CDC25B: variants seen among roughly 807,000 people sequenced by gnomAD.
The protein encoded by CDC25B is M-phase inducer phosphatase 2.
A neutral mutation model predicts 69.8 loss-of-function variants in CDC25B; 33 were observed. The observed-to-expected ratio is 0.47, with a 90% confidence interval of 0.36 to 0.63. CDC25B has a LOEUF of 0.63. Among genes scored for constraint, CDC25B ranks in the 30% least tolerant of loss-of-function variants. The pLI, the probability that CDC25B is intolerant of heterozygous loss-of-function variation, is 0.00. For synonymous variants in CDC25B, 341 were observed against 314.6 expected (o/e 1.08, Z -0.89); for missense variants, 727 against 809.1 (o/e 0.90, Z 1.23).
At chr20:3,787,253 CTCCTGCTGTTT>C in intron 1 of CDC25B, 1 of 513,282 alleles carries the variant, frequency 1.9e-6, no homozygotes, top group Non-Finnish European at 3.5e-6. Flanking sequence ...TATCTGGCAT[CTCCTGCTGTTT>C]TACCTGGCAT....
intron 11 of CDC25B, chr20:3,802,585 C>T (rs2089325871): frequency 1.7e-6 from 1 of 600,852 alleles, no homozygotes; most frequent in African/African-American, 1.9e-5. Context: ...GTCCAGGCAT[C>T]TGTTGAGTCT....
At chr20:3,801,696 C>A in intron 8 of CDC25B, 26 bp from the exon 9 acceptor site, 3 of 1,558,866 alleles carry the variant, frequency 1.9e-6, no homozygotes, top group African/African-American at 2.7e-5. Flanking sequence ...TGGGTTGTGA[C>A]CCTGTCCTTG....
Position 3,800,761 on chromosome 20 carries a change from A to G in CDC25B, c.478A>G (p.Ser160Gly). ...QSMPVRLLGH[S>G]PVLRNITNSQ... ...TCTCTAGGTGAGGCTGCTGGGCCACAGCCCCGTGCTTCGGAACATCACCAA... is the reference window on the plus strand; with the variant it reads ...TCTCTAGGTGAGGCTGCTGGGCCACGGCCCCGTGCTTCGGAACATCACCAA... Residue 160 changes from serine to glycine, a missense_variant, in exon 6 of 16, where the codon AGC becomes GGC. This residue lies in a region of CDC25B where 368 missense variants were observed against 345.6 expected (regional missense o/e 1.06). Coordinates refer to ENST00000245960, the MANE Select transcript of CDC25B (RefSeq NM_021873.4). 6.2e-7 allele frequency: 1 copy of G among 1,610,274 alleles called. No individual in the cohort carries two copies. The highest frequency in any genetic ancestry group is 8.5e-7 in the Non-Finnish European group (1 of 1,180,000).
intron 1 of CDC25B, among the ~76,000 whole-genome samples, chr20:3,789,318 T>C (rs994273258): frequency 6.6e-6 from 1 of 152,206 alleles, no homozygotes; most frequent in Admixed American, 6.5e-5. Flanking sequence ...CATTGCAGCC[T>C]CAGTCTCCTC....
rs138651339 is a variant in CDC25B, at chr20:3,803,429, G to A, written c.1382G>A (p.Arg461His). 3.7e-6 allele frequency: 6 copies of A among 1,614,074 alleles called. No homozygotes were observed. Among genetic ancestry groups the A allele is most frequent in the South Asian group, 1.1e-5 (1 of 91,068 alleles). ...IKTAVNLPLERDAESFLLKSP... is the reference protein window; with the variant it reads ...IKTAVNLPLEHDAESFLLKSP... ...ACTGCGGTGAACTTGCCCCTGGAAC[G>A]CGACGCCGAGAGCTTCCTACTGAAG... The change falls in exon 14 of 16, where the codon CGC (arginine) becomes CAC (histidine). Residue 461 changes from arginine to histidine, a missense_variant. Arg to His is a conservative substitution (Grantham distance 29). Around this residue, in one of 2 missense-constraint regions of CDC25B, gnomAD observed 359 missense variants for 463.4 expected, o/e 0.77. Transcript: ENST00000245960. This position sits in a 1 kb window ranked among gnomAD's most constrained non-coding sequence, Gnocchi z 4.9.
At chr20:3,804,103 C>T (rs529864965) in intron 14 of CDC25B, among the ~76,000 whole-genome samples, 1 of 152,350 alleles carries the variant, frequency 6.6e-6, no homozygotes, top group Admixed American at 6.5e-5. Context: ...CCCTGCGGCC[C>T]TCCCAACTTC....
At position 3,803,296 on chromosome 20, in the gene CDC25B, G is replaced by A; in HGVS notation, c.1356+90G>A. On this transcript the variant is annotated intron_variant, in intron 13 of 15. Coordinates refer to ENST00000245960, the MANE Select transcript of CDC25B (RefSeq NM_021873.4). This position sits in a 1 kb window ranked among gnomAD's most constrained non-coding sequence, Gnocchi z 4.9. ...GAGGGTGAATGGGTGGAGGACGGGT[G>A]CCCCCTCTCATGGGGAGGGTTCCTA... The A allele has an allele frequency of 1.3e-6, 2 of 1,574,918 alleles. No homozygotes were observed. Among genetic ancestry groups the A allele is most frequent in the Non-Finnish European group, 1.7e-6 (2 of 1,149,034 alleles).
At position 3,796,486 on chromosome 20, in the gene CDC25B, G is replaced by T; in HGVS notation, c.-46G>T. 6.8e-7 allele frequency: 1 copy of T among 1,463,314 alleles called. No individual in the cohort carries two copies. The allele number at this position is 1,463,314 out of a possible 1,614,324, so 90.6% of individuals were successfully genotyped here. A position where few individuals can be genotyped will look rare whatever the true frequency, so the allele number is the denominator to read the frequency against. On this transcript the variant is annotated 5_prime_UTR_variant, in exon 1 of 16. Transcript: ENST00000245960. The stretch of plus-strand genomic sequence containing the variant: ...CCAGCTGTGCCGGCGTTTGTTGGCT[G>T]CCCTGCGCCCGGCCCTCCAGCCAGC...
At position 3,798,454 on chromosome 20, in the gene CDC25B, C is replaced by T. The variant is rs376436608; in HGVS notation, c.371C>T (p.Ala124Val). Reference sequence around the variant, plus strand: ...CCCAGCCCTATGGACCCCCACATGGCGGAGCAGACGTGAGTAGAGAAGGGA... The same window carrying T: ...CCCAGCCCTATGGACCCCCACATGGTGGAGCAGACGTGAGTAGAGAAGGGA... ...DSPSPMDPHMAEQTFEQAIQA... is the reference protein window; with the variant it reads ...DSPSPMDPHMVEQTFEQAIQA... The change falls in exon 3 of 16, where the codon GCG becomes GTG. Residue 124 changes from alanine to valine, a missense_variant. Ala to Val is a moderately conservative substitution (Grantham distance 64, BLOSUM62 0). Coordinates refer to ENST00000245960, the MANE Select transcript of CDC25B (RefSeq NM_021873.4). The T allele has an allele frequency of 1.0e-4, 160 of 1,596,884 alleles. No homozygotes were observed. Among genetic ancestry groups the T allele is most frequent in the Non-Finnish European group, 1.2e-4 (141 of 1,170,982 alleles).
chr20:3,802,290 G>A lies in CDC25B; in HGVS notation c.1108G>A (p.Val370Ile), dbSNP rs771067354. Reference protein sequence around the residue: ...QQEAEEPKARVLRSKSLCHDE... With the variant: ...QQEAEEPKARILRSKSLCHDE... ...CTGACTCACTTTCCAGAAAGCCCGC[G>A]TCCTCCGCTCAAAATCACTGTGTCA... The change falls in exon 11 of 16, where the codon GTC (valine) becomes ATC (isoleucine). Residue 370 changes from valine to isoleucine, a missense_variant. Physicochemically the swap from Val to Ile is conservative, Grantham distance 29. Around this residue, in one of 2 missense-constraint regions of CDC25B, gnomAD observed 359 missense variants for 463.4 expected, o/e 0.77. Transcript: ENST00000245960. 23 of 1,610,800 alleles carry A rather than the reference G, an allele frequency of 1.4e-5. No individual in the cohort carries two copies. The highest frequency in any genetic ancestry group is 1.3e-4 in the East Asian group (6 of 44,872).
Position 3,802,054 on chromosome 20 carries a change from G to A in CDC25B, c.1052G>A (p.Arg351Lys). ...DRDTPVQNKR[R>K]RSVTPPEEQQ... ...GACACGCCCGTGCAGAATAAGCGGA[G>A]GCGGAGCGTGACCCCTCCTGAGGAG... The change falls in exon 10 of 16, where the codon AGG (arginine) becomes AAG (lysine). Residue 351 changes from arginine to lysine, a missense_variant. Transcript: ENST00000245960. 6.4e-7 allele frequency: 1 copy of A among 1,566,524 alleles called. No homozygotes were observed. The highest frequency in any genetic ancestry group is 8.7e-7 in the Non-Finnish European group (1 of 1,155,738).
intron 1 of CDC25B, among the ~76,000 whole-genome samples, chr20:3,790,864 C>T (rs1175540882): frequency 6.6e-6 from 1 of 151,682 alleles, no homozygotes; most frequent in Admixed American, 6.6e-5. Context: ...GCCACCGCAC[C>T]TGGCCTAATT....
In CDC25B at chr20:3,804,889, C is replaced by T; in HGVS notation, c.1671C>T (p.Phe557=). The change falls in exon 16 of 16, where the codon TTC becomes TTT. Residue 557 remains phenylalanine, a synonymous_variant. Coordinates refer to ENST00000245960, the MANE Select transcript of CDC25B (RefSeq NM_021873.4). ...HEAFKDELKT[F]RLKTRSWAGE... ...CCTTCAAGGATGAGCTAAAGACCTT[C>T]CGCCTCAAGACTCGCAGCTGGGCTG... is the stretch of plus-strand genomic sequence containing the variant. 6.2e-7 allele frequency: 1 copy of T among 1,614,184 alleles called. No homozygotes were observed.
intron 3 of CDC25B, among the ~76,000 whole-genome samples, chr20:3,799,499 T>C (rs922193568): frequency 4.2e-5 from 4 of 96,048 alleles, no homozygotes; most frequent in Non-Finnish European, 7.9e-5. Context: ...TGTGTGTGTG[T>C]GTGTGTGTGT....
At position 3,798,852 on chromosome 20, in the gene CDC25B, C is replaced by T. The variant is rs541834422; in HGVS notation, c.380+389C>T. ...ATTTAAAAATATGATCCAACTAATTCAAAACTTTAACTCACTCTAGGCCAA... is the reference window on the plus strand; with the variant it reads ...ATTTAAAAATATGATCCAACTAATTTAAAACTTTAACTCACTCTAGGCCAA... On this transcript the variant is annotated intron_variant, in intron 3 of 15. Coordinates refer to ENST00000245960, the MANE Select transcript of CDC25B (RefSeq NM_021873.4). Among the ~76,000 whole-genome samples the T allele has an allele frequency of 3.7e-3, 557 of 152,310 alleles. 7 individuals carry two copies. Among genetic ancestry groups the T allele is most frequent in the Non-Finnish European group, 5.5e-3 (373 of 68,030 alleles).
In CDC25B at chr20:3,797,621, G is replaced by A; in HGVS notation, c.201-1G>A. Reference sequence around the variant, plus strand: ...TTCCCGGGTCCCTGTTCCCTTCCCAGCGAAACCCCAAAGAGTCAGGTAGGG... The same window carrying A: ...TTCCCGGGTCCCTGTTCCCTTCCCAACGAAACCCCAAAGAGTCAGGTAGGG... On this transcript the variant is annotated splice_acceptor_variant, in intron 1 of 15. Transcript: ENST00000245960. LOFTEE classifies it high-confidence loss of function. The A allele has an allele frequency of 6.2e-7, 1 of 1,614,044 alleles. No individual in the cohort carries two copies. The highest frequency in any genetic ancestry group is 8.5e-7 in the Non-Finnish European group (1 of 1,179,984).
upstream of CDC25B, among the ~76,000 whole-genome samples, chr20:3,791,916 T>A (rs1428941000): frequency 6.6e-6 from 1 of 152,200 alleles, no homozygotes; most frequent in Non-Finnish European, 1.5e-5. Flanking sequence ...TTATTTTTAT[T>A]TATTTATTTA....
At chr20:3,800,257 A>C (rs1325874283) in intron 3 of CDC25B, 31 bp from the exon 4 acceptor site, 1 of 1,567,040 alleles carries the variant, frequency 6.4e-7, no homozygotes, top group Admixed American at 1.7e-5. Flanking sequence ...CGGAGGGAGC[A>C]TGGGTTGCAT....
Position 3,805,032 on chromosome 20 carries a change from G to A in CDC25B, c.*71G>A, listed in dbSNP as rs1028738332. On this transcript the variant is annotated 3_prime_UTR_variant, in exon 16 of 16. Coordinates refer to ENST00000245960, the MANE Select transcript of CDC25B (RefSeq NM_021873.4). ...AAGCCAGCTGCCCTATGGGCCTGCC[G>A]GGCTGAGGGCCTGCTGGAGGCCTCA... 27 of 1,509,292 alleles carry A rather than the reference G, an allele frequency of 1.8e-5. No homozygotes were observed. Among genetic ancestry groups the A allele is most frequent in the South Asian group, 8.4e-5 (7 of 83,198 alleles). The allele number at this position is 1,509,292 out of a possible 1,614,324, so 93.5% of individuals were successfully genotyped here.
Sources: allele counts gnomAD v4.1 joint callset (sites outside exome capture counted in the v4.1 genomes callset), GRCh38; gene constraint gnomAD v4.1.1; regional missense constraint gnomAD v4.1.1; non-coding constraint Gnocchi (gnomAD v3.1); transcripts MANE v1.5; gene names NCBI Gene and HGNC (gene_info 2026-07-23, HGNC 2026-07-21).